The following BRF1 variants were observed in gnomAD, a reference collection of about 807,000 sequenced individuals.
BRF1 encodes the protein BRF1 general transcription factor IIIB subunit.
In BRF1, 59 loss-of-function variants were observed where a neutral mutation model predicts 81.7. That is an observed-to-expected ratio of 0.72 (90% CI 0.59 to 0.90). BRF1 has a LOEUF of 0.90. BRF1 is among the 40% of genes least tolerant of loss of function. BRF1 has a pLI of 0.00. For missense variants in BRF1, 1,050 were observed against 936.3 expected, an observed-to-expected ratio of 1.12 and a Z score of -1.58; for synonymous variants, 491 against 395.6, an observed-to-expected ratio of 1.24 and a Z score of -2.86.
Position 105,249,849 on chromosome 14 carries a change from A to G in BRF1, c.544+2658T>C, listed in dbSNP as rs375992953. 1.2e-6 allele frequency: 2 copies of G among 1,613,022 alleles called. No homozygotes were observed. Among genetic ancestry groups the G allele is most frequent in the Non-Finnish European group, 1.7e-6 (2 of 1,180,042 alleles). ...ACGCAGCGCTGCTGGGAGGTCATTG[A>G]CGCACAGGCCGAGATGGCCCTACGG... On this transcript the variant is annotated intron_variant, in intron 5 of 17. Transcript: ENST00000547530.
At chr14:105,241,598 C>T in intron 5 of BRF1, 184 bp from the exon 6 acceptor site, 1 of 766,368 alleles carries the variant, frequency 1.3e-6, no homozygotes, top group Non-Finnish European at 2.1e-6. Context: ...CGCACCGAAC[C>T]CAGGAGAGCC....
At chr14:105,256,898 G>A (rs1046738537) in intron 3 of BRF1, among the ~76,000 whole-genome samples, 9 of 152,134 alleles carry the variant, frequency 5.9e-5, no homozygotes, top group African/African-American at 2.2e-4. Flanking sequence ...TGCCCAGTCA[G>A]GTGCCCACCA....
Position 105,215,990 on chromosome 14 carries a change from G to A in BRF1, c.1772+1554C>T, listed in dbSNP as rs1430704532. ...ATGCACACACACTGCATACACAGGC[G>A]CACACACACATGCACACACACGCTG... is the stretch of plus-strand genomic sequence containing the variant. On this transcript the variant is annotated intron_variant, in intron 15 of 17. Coordinates refer to ENST00000547530, the MANE Select transcript of BRF1 (RefSeq NM_001519.4). 4.5e-4 allele frequency among the ~76,000 whole-genome samples: 28 copies of A among 61,562 alleles called. 2 individuals are homozygous for A. Among genetic ancestry groups the A allele is most frequent in the African/African-American group, 1.7e-3 (15 of 8,718 alleles). 40.4% of individuals were successfully genotyped at this position (61,562 alleles called of 152,430 possible).
At chr14:105,229,561 C>A (rs923913764) in intron 6 of BRF1, among the ~76,000 whole-genome samples, 13 of 152,360 alleles carry the variant, frequency 8.5e-5, no homozygotes, top group East Asian at 1.9e-4. Flanking sequence ...CCACCAGCAC[C>A]AAGGGCAAAG....
In BRF1 at chr14:105,284,162, C is replaced by T. The variant is rs1207773690; in HGVS notation, c.265+2134G>A. On this transcript the variant is annotated intron_variant, in intron 2 of 17. Coordinates refer to ENST00000547530, the MANE Select transcript of BRF1 (RefSeq NM_001519.4). The surrounding 1 kb of genome is among the most constrained non-coding windows in gnomAD (Gnocchi z 4.0). Reference sequence around the variant, plus strand: ...CATTCAAGCGCCCAACACACATGCACGTCCACAAAACTGGCCTTCCACCCG... The same window carrying T: ...CATTCAAGCGCCCAACACACATGCATGTCCACAAAACTGGCCTTCCACCCG... Among the ~76,000 whole-genome samples the T allele has an allele frequency of 6.6e-6, 1 of 152,140 alleles. No individual in the cohort carries two copies. Among genetic ancestry groups the T allele is most frequent in the Admixed American group, 6.5e-5 (1 of 15,278 alleles).
At chr14:105,267,745 A>G (rs899010811) in intron 3 of BRF1, among the ~76,000 whole-genome samples, 2 of 152,242 alleles carry the variant, frequency 1.3e-5, no homozygotes, top group Non-Finnish European at 2.9e-5. Flanking sequence ...GAGGGAGAGG[A>G]GCAGGAACAA....
intron 10 of BRF1, among the ~76,000 whole-genome samples, chr14:105,223,739 A>G (rs1174187573): frequency 6.6e-6 from 1 of 152,182 alleles, no homozygotes; most frequent in Non-Finnish European, 1.5e-5. Context: ...GTGTGCAGAC[A>G]TCAAAGTTCA....
chr14:105,223,775 T>C (rs192436902), intron 10 of BRF1, among the ~76,000 whole-genome samples: 80 of 152,258 alleles, frequency 5.3e-4, no homozygotes, highest in Admixed American at 5.2e-3. Context: ...ATTTTAAATA[T>C]GAGCAGTTTT....
rs111764937 is a variant in BRF1, at chr14:105,210,298, G to T, written c.*253C>A. The T allele has an allele frequency of 5.7e-6, 3 of 522,454 alleles. No homozygotes were observed. In the Admixed American group the frequency reaches 9.9e-5, roughly 17 times the overall value. The allele number at this position is 522,454 out of a possible 1,614,324, so 32.4% of individuals were successfully genotyped here. On this transcript the variant is annotated 3_prime_UTR_variant, in exon 18 of 18. Transcript: ENST00000547530. This position sits in a 1 kb window ranked among gnomAD's most constrained non-coding sequence, Gnocchi z 4.7. The stretch of plus-strand genomic sequence containing the variant: ...CTTGGATGAGTCGACGGCAGGCAGC[G>T]GGACCCAGCCCTGCACACACCCGGC...
chr14:105,256,815 G>C (rs1354141687), intron 3 of BRF1, among the ~76,000 whole-genome samples: 1 of 152,160 alleles, frequency 6.6e-6, no homozygotes, highest in African/African-American at 2.4e-5. Context: ...ACCTGGAGCC[G>C]GGTCGGGGGA....
intron 5 of BRF1, chr14:105,250,599 A>G (rs1360607066): frequency 1.2e-6 from 2 of 1,614,004 alleles, no homozygotes; most frequent in African/African-American, 1.3e-5. Context: ...TTCCAGTTCC[A>G]GTGCTCCTCG....
At chr14:105,217,401 G>C in intron 15 of BRF1, 143 bp downstream of exon 15, 7 of 1,327,504 alleles carry the variant, frequency 5.3e-6, no homozygotes, top group Non-Finnish European at 7.2e-6. Flanking sequence ...AGGCCCACCA[G>C]TCCCCAGCAT....
In BRF1 at chr14:105,286,361, G is replaced by A. The variant is rs587741849; in HGVS notation, c.200C>T (p.Pro67Leu). ...CACGTGGAAGCCGCCACCCAGAGTC[G>A]GGGTTTTGCCAGCACCTGGAAACAC... ...FVSLDGAGKTPTLGGGFHVNL... is the reference protein window; with the variant it reads ...FVSLDGAGKTLTLGGGFHVNL... The change falls in exon 2 of 18, where the codon CCG (proline) becomes CTG (leucine). Residue 67 changes from proline to leucine, a missense_variant. Physicochemically the swap from Pro to Leu is moderately conservative, Grantham distance 98. This residue lies in a region of BRF1 where 1,043 missense variants were observed against 915.4 expected (regional missense o/e 1.14). Coordinates refer to ENST00000547530, the MANE Select transcript of BRF1 (RefSeq NM_001519.4). The A allele has an allele frequency of 2.9e-5, 47 of 1,613,208 alleles. 1 individual carries two copies. The highest frequency in any genetic ancestry group is 1.7e-4 in the Middle Eastern group (1 of 6,060).
At chr14:105,306,287 GTTTGT>G (rs202210208) in intron 1 of BRF1, among the ~76,000 whole-genome samples, 2,658 of 151,482 alleles carry the variant, frequency 0.018, 80 homozygotes, top group African/African-American at 0.058. Flanking sequence ...TTGTTTTTGG[GTTTGT>G]TTTGTTTTGT....
intron 1 of BRF1, among the ~76,000 whole-genome samples, chr14:105,294,858 A>C (rs1381276611): frequency 2.0e-5 from 3 of 152,202 alleles, no homozygotes; most frequent in African/African-American, 7.2e-5. Context: ...ATTCCTCAAC[A>C]CAAGCGGCTA....
chr14:105,226,685 CTCCTCCTCCAGG>C lies in BRF1; in HGVS notation c.852_863del (p.Asp284_Glu287del). The C allele has an allele frequency of 6.2e-7, 1 of 1,613,648 alleles. No individual in the cohort carries two copies. Among genetic ancestry groups the C allele is most frequent in the Non-Finnish European group, 8.5e-7 (1 of 1,180,030 alleles). On this transcript the variant is annotated inframe_deletion, in exon 8 of 18. Coordinates refer to ENST00000547530, the MANE Select transcript of BRF1 (RefSeq NM_001519.4). The stretch of plus-strand genomic sequence containing the variant: ...CAGCTGTGTACGAGGGGGGGTCGCA[CTCCTCCTCCAGG>C]TCGATCTTCATGAACTCATCAATGG...
At chr14:105,243,539 G>A in intron 5 of BRF1, among the ~76,000 whole-genome samples, 1 of 151,572 alleles carries the variant, frequency 6.6e-6, no homozygotes, top group African/African-American at 2.4e-5. Flanking sequence ...GATCACTTGA[G>A]CCCGGGAGGT....
chr14:105,221,205 G>C (rs762202220), intron 11 of BRF1, among the ~76,000 whole-genome samples: 2 of 152,158 alleles, frequency 1.3e-5, no homozygotes, highest in Non-Finnish European at 2.9e-5. Flanking sequence ...GGCAAGGTGA[G>C]GGGGGGCAAG....
chr14:105,247,519 T>C, intron 5 of BRF1: 3 of 985,420 alleles, frequency 3.0e-6, no homozygotes, highest in Non-Finnish European at 3.6e-6. Context: ...GAGTCCTTTG[T>C]TGAAAATACC....
Sources: gnomAD v4.1 joint callset for allele counts (sites outside exome capture counted in the v4.1 genomes callset) on GRCh38, gnomAD v4.1.1 for gene constraint, gnomAD v4.1.1 regional missense constraint, Gnocchi (gnomAD v3.1) non-coding constraint, MANE v1.5 for transcripts, NCBI Gene and HGNC (gene_info 2026-07-23, HGNC 2026-07-21) for gene names.